The following MED1 variants were observed in gnomAD, a reference collection of about 807,000 sequenced individuals.
MED1 encodes mediator of RNA polymerase II transcription subunit 1.
MED1 carries 17 observed loss-of-function variants against 121.3 expected under a neutral mutation model. The ratio of observed to expected loss-of-function variants is 0.14; its 90% CI spans 0.10 to 0.21. MED1 has a LOEUF of 0.21. MED1 is among the 10% of genes least tolerant of loss of function. The probability of loss-of-function intolerance (pLI) is 1.00; values close to 1 mark genes in which losing one functional copy is unlikely to be tolerated. For missense variants in MED1, 1,558 were observed against 1,919.4 expected, an observed-to-expected ratio of 0.81 and a Z score of 3.52; for synonymous variants, 661 against 694.4, an observed-to-expected ratio of 0.95 and a Z score of 0.76.
rs778673749 is a variant in MED1, at chr17:39,410,044, A to T, written c.2177T>A (p.Val726Asp). The change falls in exon 17 of 17, where the codon GTC (valine) becomes GAC (aspartate). Residue 726 changes from valine to aspartate, a missense_variant. Around this residue, in one of 5 missense-constraint regions of MED1, gnomAD observed 793 missense variants for 898.2 expected, o/e 0.88. Transcript: ENST00000300651. The part of the protein sequence containing the change: ...DVDSQNPIFD[V>D]NMTADTLDTP... ...ATCCAGCGTGTCAGCTGTCATGTTG[A>T]CATCAAAGATAGGGTTCTGTGAGTC... The T allele has an allele frequency of 6.8e-6, 11 of 1,614,074 alleles. No homozygotes were observed. In the South Asian group the frequency reaches 1.2e-4, roughly 18 times the overall value.
intron 6 of MED1, among the ~76,000 whole-genome samples, chr17:39,438,518 A>AT (rs367958512): frequency 8.7e-4 from 131 of 150,506 alleles, no homozygotes; most frequent in African/African-American, 3.0e-3. Context: ...AATTTTTTGT[A>AT]TTTTTTCTTT....
At chr17:39,421,504 C>G (rs774597000) in intron 13 of MED1, among the ~76,000 whole-genome samples, 2 of 151,976 alleles carry the variant, frequency 1.3e-5, no homozygotes, top group Non-Finnish European at 2.9e-5. Flanking sequence ...GAGCCGAGAT[C>G]GCGCCACTGC....
chr17:39,424,547 T>A, intron 11 of MED1, 80 bp downstream of exon 11: 1 of 848,712 alleles, frequency 1.2e-6, no homozygotes, highest in South Asian at 1.6e-5. Flanking sequence ...TCAAGTGGGG[T>A]AACAGCCAGG....
At chr17:39,432,342 C>CAAA (rs36069735) in intron 7 of MED1, among the ~76,000 whole-genome samples, 1,650 of 80,412 alleles carry the variant, frequency 0.021, 96 homozygotes, top group Middle Eastern at 0.061. Flanking sequence ...GATTCCATCT[C>CAAA]AAAAAAAAAA....
At chr17:39,418,085 C>CAA (rs760116991) in intron 14 of MED1, among the ~76,000 whole-genome samples, 1,857 of 55,494 alleles carry the variant, frequency 0.033, 198 homozygotes, top group African/African-American at 0.087. Flanking sequence ...GACTCCGTCT[C>CAA]AAAAAAAAAA....
Position 39,447,918 on chromosome 17 carries a change from C to A in MED1, c.26-14G>T. 1.3e-6 allele frequency: 2 copies of A among 1,561,564 alleles called. No homozygotes were observed. Among genetic ancestry groups the A allele is most frequent in the South Asian group, 1.1e-5 (1 of 88,994 alleles). On this transcript the variant is annotated splice_polypyrimidine_tract_variant and intron_variant, in intron 1 of 16. Transcript: ENST00000300651. Reference sequence around the variant, plus strand: ...GCTTTTCTGACTCTATGATTTAAATCAGAAAACGTTATCAGTAACTGTTCT... The same window carrying A: ...GCTTTTCTGACTCTATGATTTAAATAAGAAAACGTTATCAGTAACTGTTCT...
intron 7 of MED1, among the ~76,000 whole-genome samples, chr17:39,432,979 G>A (rs533827105): frequency 6.6e-5 from 10 of 151,874 alleles, no homozygotes; most frequent in African/African-American, 1.9e-4. Context: ...AGGCCATGGC[G>A]GGTGGATCAA....
chr17:39,424,973 G>A (rs1314502557), intron 10 of MED1, among the ~76,000 whole-genome samples: 8 of 151,980 alleles, frequency 5.3e-5, no homozygotes, highest in Admixed American at 2.0e-4. Context: ...TCCACCTCCT[G>A]GGTTCACACC....
In MED1 at chr17:39,406,255, GA is replaced by G; in HGVS notation, c.*1219del. The G allele has an allele frequency of 1.0e-6, 1 of 985,534 alleles. No homozygotes were observed. Among genetic ancestry groups the G allele is most frequent in the Non-Finnish European group, 1.2e-6 (1 of 829,930 alleles). 61.0% of individuals were successfully genotyped at this position (985,534 alleles called of 1,614,324 possible). On this transcript the variant is annotated 3_prime_UTR_variant, in exon 17 of 17. Coordinates refer to ENST00000300651, the MANE Select transcript of MED1 (RefSeq NM_004774.4). The stretch of plus-strand genomic sequence containing the variant: ...CCCCCATTACTTCAAAAGTGAGCTT[GA>G]AATTGTTTTAAGTGAACTATGGCTG...
intron 3 of MED1, among the ~76,000 whole-genome samples, chr17:39,441,049 G>T: frequency 6.6e-6 from 1 of 151,450 alleles, no homozygotes; most frequent in South Asian, 2.1e-4. Context: ...ACAGTCAAAA[G>T]GTTAAAACAA....
intron 1 of MED1, among the ~76,000 whole-genome samples, chr17:39,448,667 T>C (rs1404347829): frequency 1.3e-5 from 2 of 152,008 alleles, no homozygotes; most frequent in Non-Finnish European, 2.9e-5. Flanking sequence ...CCCAGCACTT[T>C]GGGAGGCCAA....
At position 39,405,024 on chromosome 17, in the gene MED1, A is replaced by G. The variant is rs2048292136; in HGVS notation, c.*2451T>C. On this transcript the variant is annotated 3_prime_UTR_variant, in exon 17 of 17. Transcript: ENST00000300651. ...TCAAACTGAGAATACATAAGACACC[A>G]GCAGCAGAAGATAGGTAGAAGTTGA... 1 of 559,148 alleles carries G rather than the reference A, an allele frequency of 1.8e-6. No individual in the cohort carries two copies. The highest frequency in any genetic ancestry group is 3.0e-6 in the Non-Finnish European group (1 of 332,326). 34.6% of individuals were successfully genotyped at this position (559,148 alleles called of 1,614,324 possible).
chr17:39,411,263 G>A (rs1359166358), intron 16 of MED1, among the ~76,000 whole-genome samples: 3 of 151,742 alleles, frequency 2.0e-5, no homozygotes, highest in African/African-American at 7.3e-5. Context: ...AGGTTGCATT[G>A]CACTGAGATC....
At position 39,409,331 on chromosome 17, in the gene MED1, C is replaced by G. The variant is rs1317158928; in HGVS notation, c.2890G>C (p.Gly964Arg). The change falls in exon 17 of 17, where the codon GGG becomes CGG. Residue 964 changes from glycine to arginine, a missense_variant. Gly to Arg is a moderately radical substitution (Grantham distance 125, BLOSUM62 -2). This residue lies in a region of MED1 where 793 missense variants were observed against 898.2 expected (regional missense o/e 0.88). Coordinates refer to ENST00000300651, the MANE Select transcript of MED1 (RefSeq NM_004774.4). ...ACCCTCTTTTGAGTCTTTTCTTTCC[C>G]TAAGTCCCCAGTGGTCAGTAAAGGA... ...QGPLLTTGDLGKEKTQKRVKE... is the reference protein window; with the variant it reads ...QGPLLTTGDLRKEKTQKRVKE... 1.2e-6 allele frequency: 2 copies of G among 1,614,012 alleles called. No individual in the cohort carries two copies. The highest frequency in any genetic ancestry group is 3.3e-5 in the Admixed American group (2 of 59,986).
chr17:39,412,599 C>A (rs1436362328), intron 16 of MED1, among the ~76,000 whole-genome samples: 1 of 147,986 alleles, frequency 6.8e-6, no homozygotes, highest in Non-Finnish European at 1.5e-5. Flanking sequence ...AGTGCAGTGG[C>A]ATGATCTTGG....
At position 39,409,706 on chromosome 17, in the gene MED1, C is replaced by T; in HGVS notation, c.2515G>A (p.Ala839Thr). 6.2e-7 allele frequency: 1 copy of T among 1,612,424 alleles called. No individual in the cohort carries two copies. The highest frequency in any genetic ancestry group is 2.2e-5 in the East Asian group (1 of 44,888). Residue 839 changes from alanine (A) to threonine (T), a missense_variant, in exon 17 of 17, where the codon GCT (alanine) becomes ACT (threonine). By Grantham distance (58) the Ala-to-Thr change is moderately conservative. Coordinates refer to ENST00000300651, the MANE Select transcript of MED1 (RefSeq NM_004774.4). ...NNNENPYTDP[A>T]DLIADAAGSP... ...CCAGCAGCATCTGCAATAAGATCAGCTGGATCAGTGTATGGATTTTCATTA... is the reference window on the plus strand; with the variant it reads ...CCAGCAGCATCTGCAATAAGATCAGTTGGATCAGTGTATGGATTTTCATTA...
intron 3 of MED1, among the ~76,000 whole-genome samples, chr17:39,442,591 C>A (rs1163949726): frequency 8.6e-6 from 1 of 116,682 alleles, no homozygotes; most frequent in Non-Finnish European, 1.8e-5. Flanking sequence ...AGTGAGACAC[C>A]GTCTCGGAAA....
At chr17:39,414,025 G>A (rs1005289183) in intron 16 of MED1, among the ~76,000 whole-genome samples, 1 of 150,502 alleles carries the variant, frequency 6.6e-6, no homozygotes, top group South Asian at 2.1e-4. Flanking sequence ...TCAGGAGTTC[G>A]AGACCAGCCT....
chr17:39,409,503 C>T lies in MED1; in HGVS notation c.2718G>A (p.Leu906=). Residue 906 remains leucine (L), a synonymous_variant, in exon 17 of 17, where the codon TTG becomes TTA. Coordinates refer to ENST00000300651, the MANE Select transcript of MED1 (RefSeq NM_004774.4). ...KGFASQALNT[L]GVPMLGGDNG... Reference sequence around the variant, plus strand: ...TATCACCTCCAAGCATTGGCACCCCCAAAGTATTTAGTGCCTGAGATGCAA... The same window carrying T: ...TATCACCTCCAAGCATTGGCACCCCTAAAGTATTTAGTGCCTGAGATGCAA... 1.2e-6 allele frequency: 2 copies of T among 1,614,182 alleles called. No individual in the cohort carries two copies. Among genetic ancestry groups the T allele is most frequent in the Non-Finnish European group, 1.7e-6 (2 of 1,180,030 alleles).
Sources: gnomAD v4.1 joint callset for allele counts (sites outside exome capture counted in the v4.1 genomes callset) on GRCh38, gnomAD v4.1.1 for gene constraint, gnomAD v4.1.1 regional missense constraint, MANE v1.5 for transcripts, NCBI Gene and HGNC (gene_info 2026-07-23, HGNC 2026-07-21) for gene names.